Variants in NR5A1 observed in about 807,000 individuals in gnomAD.
NR5A1 encodes the protein nuclear receptor subfamily 5 group A member 1.
In NR5A1, 6 loss-of-function variants were observed where a neutral mutation model predicts 42.7. The observed-to-expected ratio is 0.14, with a 90% CI of 0.08 to 0.28. NR5A1 has a LOEUF of 0.28. Among genes scored for constraint, NR5A1 ranks in the 10% least tolerant of loss-of-function variants. NR5A1 has a pLI of 1.00. For missense variants in NR5A1, 442 were observed against 626.4 expected (o/e 0.71, Z 3.14); for synonymous variants, 274 against 277.5 (o/e 0.99, Z 0.12).
intron 1 of NR5A1, among the ~76,000 whole-genome samples, chr9:124,504,724 G>C (rs1426669985): frequency 1.4e-5 from 2 of 147,300 alleles, no homozygotes; most frequent in Non-Finnish European, 3.0e-5. Flanking sequence ...CGCCCGCGCG[G>C]AGCCCGCACC....
chr9:124,501,785 A>T lies in NR5A1; in HGVS notation c.245-1070T>A, dbSNP rs1183559822. Among the ~76,000 whole-genome samples, 1 of 152,194 alleles carries T rather than the reference A, an allele frequency of 6.6e-6. No homozygotes were observed. The highest frequency in any genetic ancestry group is 2.4e-5 in the African/African-American group (1 of 41,448). ...GAGTCCTTTCTCCAGGTGGCAGGGC[A>T]TGTGGTCCACCACTCTCAGAGCCAC... is the stretch of plus-strand genomic sequence containing the variant. On this transcript the variant is annotated intron_variant, in intron 3 of 6. Transcript: ENST00000373588. The surrounding 1 kb of genome is among the most constrained non-coding windows in gnomAD (Gnocchi z 4.1).
In NR5A1 at chr9:124,483,003, A is replaced by C. The variant is rs200939258; in HGVS notation, c.1141T>G (p.Leu381Val). 39 of 1,613,844 alleles carry C rather than the reference A, an allele frequency of 2.4e-5. No homozygotes were observed. The highest frequency in any genetic ancestry group is 3.1e-5 in the Non-Finnish European group (36 of 1,179,998). Reference sequence around the variant, plus strand: ...AGGATGTGGTTATTCAGGAACTTCAAATCTGCAAAGGGAGGTTCTCGGTCA... The same window carrying C: ...AGGATGTGGTTATTCAGGAACTTCACATCTGCAAAGGGAGGTTCTCGGTCA... ...LKFIILFSLD[L>V]KFLNNHILVK... Residue 381 changes from leucine to valine, a missense_variant and splice_region_variant, in exon 7 of 7, where the codon TTG becomes GTG. Physicochemically the swap from Leu to Val is conservative, Grantham distance 32. Transcript: ENST00000373588.
intron 1 of NR5A1, among the ~76,000 whole-genome samples, chr9:124,505,977 C>A (rs985975814): frequency 2.6e-5 from 4 of 152,178 alleles, no homozygotes; most frequent in African/African-American, 9.7e-5. Flanking sequence ...AGTTTGGGGA[C>A]CATGAGGCCA....
chr9:124,501,227 G>T lies in NR5A1; in HGVS notation c.245-512C>A, dbSNP rs77995050. ...TAGCATAAGGCCTGGCAGGGAGATG[G>T]TGACCGGAAGGGGACCCTGGTCAGC... On this transcript the variant is annotated intron_variant, in intron 3 of 6. Transcript: ENST00000373588. This position sits in a 1 kb window ranked among gnomAD's most constrained non-coding sequence, Gnocchi z 4.1. Among the ~76,000 whole-genome samples the T allele has an allele frequency of 3.7e-3, 559 of 152,290 alleles. 3 individuals are homozygous for T. The highest frequency in any genetic ancestry group is 0.013 in the African/African-American group (531 of 41,552).
intron 5 of NR5A1, 87 bp from the exon 6 acceptor site, chr9:124,491,315 G>T: frequency 1.8e-6 from 2 of 1,083,654 alleles, no homozygotes; most frequent in South Asian, 3.0e-5. Context: ...AGGGCTGAGG[G>T]CATGGATTGG....
intron 6 of NR5A1, among the ~76,000 whole-genome samples, chr9:124,485,326 G>A (rs549256498): frequency 3.9e-5 from 6 of 152,136 alleles, no homozygotes; most frequent in African/African-American, 7.2e-5. Context: ...CTGCAGCTGC[G>A]GGGGCGTCCA....
At chr9:124,492,816 C>T (rs1554721214) in intron 5 of NR5A1, among the ~76,000 whole-genome samples, 1 of 152,252 alleles carries the variant, frequency 6.6e-6, no homozygotes, top group Non-Finnish European at 1.5e-5. Context: ...AAGAGCAGGG[C>T]TCCCAGGGGC....
rs985512492 is a variant in NR5A1 at position 124,498,095 on chromosome 9, T to C, written c.870+1995A>G. On this transcript the variant is annotated intron_variant, in intron 4 of 6. Coordinates refer to ENST00000373588, the MANE Select transcript of NR5A1 (RefSeq NM_004959.5). This position sits in a 1 kb window ranked among gnomAD's most constrained non-coding sequence, Gnocchi z 4.6. ...CCACTCTCAGAGCCAGAGAGCCCCC[T>C]CTTCTGTCTGCTAAGATGTGTCCTG... Among the ~76,000 whole-genome samples, 2 of 152,150 alleles carry C rather than the reference T, an allele frequency of 1.3e-5. No homozygotes were observed. Among genetic ancestry groups the C allele is most frequent in the Non-Finnish European group, 2.9e-5 (2 of 68,006 alleles).
intron 6 of NR5A1, among the ~76,000 whole-genome samples, chr9:124,486,771 C>T (rs1277618413): frequency 1.3e-5 from 2 of 152,240 alleles, no homozygotes; most frequent in Admixed American, 6.5e-5. Context: ...GTGCCAGCAA[C>T]GCACAGAACA....
intron 6 of NR5A1, among the ~76,000 whole-genome samples, chr9:124,483,470 G>C (rs182951914): frequency 5.3e-4 from 81 of 152,312 alleles, no homozygotes; most frequent in Admixed American, 4.7e-3. Context: ...AGAATTTAGG[G>C]AGCCGCTGTG....
At chr9:124,488,977 T>C (rs1307996610) in intron 6 of NR5A1, among the ~76,000 whole-genome samples, 1 of 152,248 alleles carries the variant, frequency 6.6e-6, no homozygotes, top group Non-Finnish European at 1.5e-5. Context: ...AAAAGGCTGA[T>C]GACCAGCATG....
In NR5A1 at chr9:124,501,671, C is replaced by T. The variant is rs187245775; in HGVS notation, c.245-956G>A. Among the ~76,000 whole-genome samples the T allele has an allele frequency of 1.4e-4, 22 of 152,318 alleles. No individual in the cohort carries two copies. The highest frequency in any genetic ancestry group is 4.8e-4 in the African/African-American group (20 of 41,576). On this transcript the variant is annotated intron_variant, in intron 3 of 6. Transcript: ENST00000373588. This position sits in a 1 kb window ranked among gnomAD's most constrained non-coding sequence, Gnocchi z 4.1. ...CAGGCTGCACGGGAGTTTCTACTGC[C>T]CACAACAGCCAGCTATCTGGCCCCT...
At position 124,496,427 on chromosome 9, in the gene NR5A1, CT is replaced by C. The variant is rs1375560747; in HGVS notation, c.871-3279del. Among the ~76,000 whole-genome samples the C allele has an allele frequency of 6.6e-6, 1 of 152,188 alleles. No homozygotes were observed. The highest frequency in any genetic ancestry group is 1.5e-5 in the Non-Finnish European group (1 of 68,032). On this transcript the variant is annotated intron_variant, in intron 4 of 6. Coordinates refer to ENST00000373588, the MANE Select transcript of NR5A1 (RefSeq NM_004959.5). This position sits in a 1 kb window ranked among gnomAD's most constrained non-coding sequence, Gnocchi z 5.0. ...CCCTTGGGTCTCCCACCAGCCTGGC[CT>C]GTCTGCTGGGCACATCAGCCATCCA...
chr9:124,483,480 G>A lies in NR5A1; in HGVS notation c.1139-475C>T, dbSNP rs1832161985. ...TCCTGAGAATTTAGGGAGCCGCTGT[G>A]TGGAAAGTGCTCTGAAGAACAGTGT... On this transcript the variant is annotated intron_variant, in intron 6 of 6. Coordinates refer to ENST00000373588, the MANE Select transcript of NR5A1 (RefSeq NM_004959.5). 2.0e-5 allele frequency among the ~76,000 whole-genome samples: 3 copies of A among 152,248 alleles called. No homozygotes were observed. The South Asian group carries it at 6.2e-4, about 31-fold the overall frequency.
At chr9:124,491,598 G>A (rs1564149756) in intron 5 of NR5A1, among the ~76,000 whole-genome samples, 1 of 152,060 alleles carries the variant, frequency 6.6e-6, no homozygotes, top group Non-Finnish European at 1.5e-5. Context: ...GCCTGTGTGG[G>A]GACACACAGA....
intron 6 of NR5A1, among the ~76,000 whole-genome samples, chr9:124,489,248 A>AC (rs1257330158): frequency 2.6e-5 from 4 of 151,820 alleles, no homozygotes; most frequent in African/African-American, 9.7e-5. Context: ...CCCTCCACCT[A>AC]CCCCTCCTTA....
Position 124,503,921 on chromosome 9 carries a change from C to G in NR5A1, c.-15-511G>C, listed in dbSNP as rs562558294. ...CGACCGACGCCACCGGGCGCAGACA[C>G]GAGGCCAGTCCGAGAGTGCCAGAGA... is the stretch of plus-strand genomic sequence containing the variant. On this transcript the variant is annotated intron_variant, in intron 1 of 6. Transcript: ENST00000373588. The surrounding 1 kb of genome is among the most constrained non-coding windows in gnomAD (Gnocchi z 9.6). 1.3e-5 allele frequency among the ~76,000 whole-genome samples: 2 copies of G among 152,068 alleles called. No homozygotes were observed. The highest frequency in any genetic ancestry group is 1.3e-4 in the Admixed American group (2 of 15,286).
At chr9:124,506,302 G>T (rs1832559481) in intron 1 of NR5A1, among the ~76,000 whole-genome samples, 1 of 152,202 alleles carries the variant, frequency 6.6e-6, no homozygotes. Flanking sequence ...GGGTACTGCG[G>T]TTTCCATGCA....
intron 3 of NR5A1, 128 bp downstream of exon 3, chr9:124,502,951 G>T: frequency 7.8e-7 from 1 of 1,287,202 alleles, no homozygotes; most frequent in Non-Finnish European, 1.0e-6. Context: ...GCAGCGACTG[G>T]GCCCTAATGT....
Sources: allele counts gnomAD v4.1 joint callset (sites outside exome capture counted in the v4.1 genomes callset), GRCh38; gene constraint gnomAD v4.1.1; non-coding constraint Gnocchi (gnomAD v3.1); transcripts MANE v1.5; gene names NCBI Gene and HGNC (gene_info 2026-07-23, HGNC 2026-07-21).